The following PDE10A variants were observed in gnomAD, a reference collection of about 807,000 sequenced individuals.
PDE10A encodes the protein phosphodiesterase 10A, also known as cAMP and cAMP-inhibited cGMP 3',5'-cyclic phosphodiesterase 10A.
A neutral mutation model predicts 97.7 loss-of-function variants in PDE10A; 39 were observed. The observed-to-expected ratio is 0.40, with a 90% CI of 0.31 to 0.52. PDE10A has a LOEUF of 0.52. Ranked by LOEUF, PDE10A falls within the 20% of genes least tolerant of loss-of-function variation. The pLI is 0.56. For missense variants in PDE10A, 731 were observed against 1,047.8 expected, an observed-to-expected ratio of 0.70 and a Z score of 4.17; for synonymous variants, 371 against 376.8, an observed-to-expected ratio of 0.98 and a Z score of 0.18.
At chr6:165,420,283 G>C (rs970626763) in intron 10 of PDE10A, among the ~76,000 whole-genome samples, 1 of 152,144 alleles carries the variant, frequency 6.6e-6, no homozygotes, top group Admixed American at 6.5e-5. Context: ...CAGCAGAGTT[G>C]AGTAGCTGCA....
In PDE10A at chr6:165,500,420, G is replaced by A. The variant is rs188475518; in HGVS notation, c.995-18077C>T. On this transcript the variant is annotated intron_variant, in intron 2 of 21. Transcript: ENST00000539869. ...TCTGTAATCCTAGCCCCAACCCTGT[G>A]CTCGCAGAGACCTGTGCTGTGTTGA... Among the ~76,000 whole-genome samples, 173 of 152,254 alleles carry A rather than the reference G, an allele frequency of 1.1e-3. 1 individual carries two copies. The highest frequency in any genetic ancestry group is 6.8e-3 in the Middle Eastern group (2 of 294).
At chr6:165,787,123 T>C (rs1484623247) in intron 1 of PDE10A, among the ~76,000 whole-genome samples, 1 of 152,130 alleles carries the variant, frequency 6.6e-6, no homozygotes, top group Non-Finnish European at 1.5e-5. Flanking sequence ...GTAAGCTCTC[T>C]CTTAAAGAAG....
intron 2 of PDE10A, among the ~76,000 whole-genome samples, chr6:165,540,266 G>A (rs1420613657): frequency 6.6e-6 from 1 of 152,042 alleles, no homozygotes; most frequent in Non-Finnish European, 1.5e-5. Context: ...AAATCCTTTT[G>A]AAACAAAATA....
intron 1 of PDE10A, among the ~76,000 whole-genome samples, chr6:165,599,809 C>T (rs977790680): frequency 2.6e-5 from 4 of 152,194 alleles, no homozygotes; most frequent in Admixed American, 2.6e-4. Flanking sequence ...CGGGCCTCCA[C>T]GGCCTCCTCC....
At chr6:165,410,038 C>T (rs920041336) in intron 13 of PDE10A, among the ~76,000 whole-genome samples, 2 of 152,034 alleles carry the variant, frequency 1.3e-5, no homozygotes, top group African/African-American at 4.8e-5. Flanking sequence ...TCAAGGGATA[C>T]ATGGACAAAT....
At chr6:165,587,421 C>T (rs1043207279) in intron 1 of PDE10A, among the ~76,000 whole-genome samples, 1 of 152,122 alleles carries the variant, frequency 6.6e-6, no homozygotes, top group African/African-American at 2.4e-5. Context: ...GAGTAATTTC[C>T]TTAGGTTCTT....
chr6:165,730,279 G>T (rs932154130), intron 1 of PDE10A, among the ~76,000 whole-genome samples: 2 of 152,032 alleles, frequency 1.3e-5, no homozygotes, highest in Admixed American at 1.3e-4. Flanking sequence ...TTCCTCTGTC[G>T]TTTCTACTGA....
intron 1 of PDE10A, among the ~76,000 whole-genome samples, chr6:165,825,151 A>C (rs1779695514): frequency 9.6e-6 from 1 of 103,990 alleles, no homozygotes; most frequent in Non-Finnish European, 2.0e-5. Flanking sequence ...ATCTCAAAAA[A>C]AAAAAAAAAA....
intron 1 of PDE10A, among the ~76,000 whole-genome samples, chr6:165,744,655 A>G (rs1792803702): frequency 6.6e-6 from 1 of 152,132 alleles, no homozygotes; most frequent in Non-Finnish European, 1.5e-5. Flanking sequence ...TATCTTGTTT[A>G]TGGTGAACAC....
At chr6:165,976,131 C>T (rs1422890267) in intron 1 of PDE10A, among the ~76,000 whole-genome samples, 1 of 152,044 alleles carries the variant, frequency 6.6e-6, no homozygotes, top group African/African-American at 2.4e-5. Context: ...TCTTGTATGC[C>T]ATGACAAATT....
At chr6:165,370,788 ACG>A (rs1407017558) in intron 18 of PDE10A, among the ~76,000 whole-genome samples, 1 of 150,204 alleles carries the variant, frequency 6.7e-6, no homozygotes, top group Non-Finnish European at 1.5e-5. Flanking sequence ...TTTTTTCAGC[ACG>A]ACACCACACC....
chr6:165,901,947 A>T (rs1476890395), intron 1 of PDE10A, among the ~76,000 whole-genome samples: 1 of 152,192 alleles, frequency 6.6e-6, no homozygotes, highest in Non-Finnish European at 1.5e-5. Flanking sequence ...GAGTATCCAG[A>T]TATATTTATT....
At chr6:165,884,459 A>G (rs143600177) in intron 1 of PDE10A, among the ~76,000 whole-genome samples, 95 of 152,280 alleles carry the variant, frequency 6.2e-4, no homozygotes, top group Middle Eastern at 3.4e-3. Flanking sequence ...TCAGTGACTC[A>G]CCCAAAGTCC....
intron 1 of PDE10A, among the ~76,000 whole-genome samples, chr6:165,772,089 G>T (rs1224385004): frequency 6.6e-6 from 1 of 152,142 alleles, no homozygotes; most frequent in South Asian, 2.1e-4. Flanking sequence ...TCGTATTTCC[G>T]TGAAACTAAA....
intron 2 of PDE10A, among the ~76,000 whole-genome samples, chr6:165,503,492 G>A (rs1781018078): frequency 6.6e-6 from 1 of 152,148 alleles, no homozygotes; most frequent in Non-Finnish European, 1.5e-5. Flanking sequence ...GAGGCCTGTT[G>A]GGCAAGGACA....
intron 1 of PDE10A, among the ~76,000 whole-genome samples, chr6:165,746,753 A>G (rs1792853030): frequency 6.6e-6 from 1 of 152,246 alleles, no homozygotes; most frequent in Non-Finnish European, 1.5e-5. Context: ...CCTATGGCAG[A>G]TGGAAGAAGA....
Position 165,379,214 on chromosome 6 carries a change from G to C in PDE10A, c.2763C>G (p.Asn921Lys). 2 of 1,610,118 alleles carry C rather than the reference G, an allele frequency of 1.2e-6. No homozygotes were observed. The highest frequency in any genetic ancestry group is 8.5e-7 in the Non-Finnish European group (1 of 1,178,500). Residue 921 changes from asparagine to lysine, a missense_variant, in exon 18 of 22, where the codon AAC (asparagine) becomes AAG (lysine). This residue lies in a region of PDE10A where 96 missense variants were observed against 156.7 expected (regional missense o/e 0.61). Coordinates refer to ENST00000539869, the MANE Select transcript of PDE10A (RefSeq NM_001385079.1). ...LEEMYQTGSL[N>K]LNNQSHRDRV... ...TTTACCTATGTGATTGATTATTAAG[G>C]TTTAGTGATCCGGTCTGGTACATCT...
chr6:165,806,652 C>G (rs1179194905), intron 1 of PDE10A, among the ~76,000 whole-genome samples: 4 of 150,948 alleles, frequency 2.6e-5, no homozygotes, highest in Non-Finnish European at 4.5e-5. Flanking sequence ...GCTGAGCGCC[C>G]CCCCCCAGGC....
intron 1 of PDE10A, among the ~76,000 whole-genome samples, chr6:165,883,061 C>A (rs567252685): frequency 6.6e-5 from 10 of 152,016 alleles, no homozygotes; most frequent in African/African-American, 2.4e-4. Context: ...AATGGTGAAA[C>A]CCCATCTCTA....
Sources: gnomAD v4.1 joint callset for allele counts (sites outside exome capture counted in the v4.1 genomes callset) on GRCh38, gnomAD v4.1.1 for gene constraint, gnomAD v4.1.1 regional missense constraint, MANE v1.5 for transcripts, NCBI Gene and HGNC (gene_info 2026-07-23, HGNC 2026-07-21) for gene names.